The following KCNMB3 variants were observed in gnomAD, a reference collection of about 807,000 sequenced individuals.
KCNMB3 encodes the protein calcium-activated potassium channel subunit beta-3.
A neutral mutation model predicts 11.9 loss-of-function variants in KCNMB3; 18 were observed. The observed-to-expected ratio is 1.51, with a 90% CI of 1.04 to 2.23. KCNMB3 has a LOEUF of 2.23. Among genes scored for constraint, KCNMB3 ranks in the 30% most tolerant of loss-of-function variants. The pLI is 0.00. For synonymous variants in KCNMB3, 78 were observed against 119.2 expected (o/e 0.65, Z 2.25); for missense variants, 247 against 329.4 (o/e 0.75, Z 1.94).
In KCNMB3 at chr3:179,250,879, G is replaced by T. The variant is rs772605515; in HGVS notation, c.112C>A (p.Pro38Thr). Residue 38 changes from proline (P) to threonine (T), a missense_variant, in exon 1 of 3, where the codon CCA (proline) becomes ACA (threonine). Physicochemically the swap from Pro to Thr is conservative, Grantham distance 38 (BLOSUM62 -1). Transcript: ENST00000392685. ...GGCAGCCTCTTGTGCACATCTAGTG[G>T]GTCTCCATCACTGTAGTCTGTCTCT... The part of the protein sequence containing the change: ...KRETDYSDGD[P>T]LDVHKRLPSS... 5.0e-6 allele frequency: 8 copies of T among 1,614,014 alleles called. No homozygotes were observed. Among genetic ancestry groups the T allele is most frequent in the Non-Finnish European group, 6.8e-6 (8 of 1,180,034 alleles).
At chr3:179,262,582 G>C (rs1207768704) in intron 1 of KCNMB3, among the ~76,000 whole-genome samples, 2 of 152,234 alleles carry the variant, frequency 1.3e-5, no homozygotes, top group Non-Finnish European at 2.9e-5. Context: ...ACTGCTGGCT[G>C]GGGCAGCCTA....
intron 1 of KCNMB3, chr3:179,259,597 T>A: frequency 1.9e-6 from 3 of 1,608,608 alleles, no homozygotes; most frequent in Non-Finnish European, 2.5e-6. Flanking sequence ...ACTGCTGACT[T>A]TCTGTCAGTA....
At chr3:179,256,094 T>C (rs1198387888), upstream of KCNMB3, among the ~76,000 whole-genome samples, 1 of 152,204 alleles carries the variant, frequency 6.6e-6, no homozygotes, top group East Asian at 1.9e-4. Context: ...ACAGCTGATA[T>C]TTAACCAGAA....
Position 179,257,903 on chromosome 3 carries a change from T to C in KCNMB3, c.63-6969A>G, listed in dbSNP as rs368338835. ...GTGTGTGTGTGTGTGTGTGTGTTTT[T>C]TAGACAGAGTTTCGCTCGTTGTCCA... On this transcript the variant is annotated intron_variant, in intron 1 of 3. Coordinates refer to the KCNMB3 transcript ENST00000349697. Among the ~76,000 whole-genome samples the C allele has an allele frequency of 2.1e-3, 307 of 149,098 alleles. 3 individuals carry two copies. The highest frequency in any genetic ancestry group is 6.9e-3 in the African/African-American group (284 of 40,890).
At chr3:179,266,614 T>A (rs747581356) in intron 1 of KCNMB3, 1 of 1,612,530 alleles carries the variant, frequency 6.2e-7, no homozygotes, top group South Asian at 1.1e-5. Context: ...TCAGCCAGAT[T>A]CCCACTACCG....
exon 1 of KCNMB3, chr3:179,266,720 G>A (rs770997712): frequency 8.1e-6 from 13 of 1,613,794 alleles, no homozygotes; most frequent in Non-Finnish European, 1.0e-5. Flanking sequence ...TGAGGCCAGG[G>A]GTCTGAGAAA....
At chr3:179,249,875 CCT>C (rs1261773823) in intron 1 of KCNMB3, among the ~76,000 whole-genome samples, 1 of 152,026 alleles carries the variant, frequency 6.6e-6, no homozygotes, top group Non-Finnish European at 1.5e-5. Context: ...CACACTGGGG[CCT>C]CTCAGTGGAG....
chr3:179,260,324 G>A, intron 1 of KCNMB3: 1 of 1,613,988 alleles, frequency 6.2e-7, no homozygotes. Context: ...CAAGAATTTG[G>A]CTTTGAACCT....
rs757795125 is a variant in KCNMB3 at position 179,244,583 on chromosome 3, G to A, written c.359C>T (p.Pro120Leu). The A allele has an allele frequency of 2.2e-5, 35 of 1,613,982 alleles. No homozygotes were observed. The highest frequency in any genetic ancestry group is 8.0e-5 in the African/African-American group (6 of 74,890). ...GVHCHGQGKYPCLQVFVNLSH... is the reference protein window; with the variant it reads ...GVHCHGQGKYLCLQVFVNLSH... Reference sequence around the variant, plus strand: ...GAGGTTCACAAACACCTGAAGACACGGGTACTTCCCCTGACCGTGGCAGTG... The same window carrying A: ...GAGGTTCACAAACACCTGAAGACACAGGTACTTCCCCTGACCGTGGCAGTG... The change falls in exon 2 of 3, where the codon CCG (proline) becomes CTG (leucine). Residue 120 changes from proline to leucine, a missense_variant. Pro to Leu is a moderately conservative substitution (Grantham distance 98). This residue lies in a region of KCNMB3 where 160 missense variants were observed against 157.5 expected (regional missense o/e 1.02). Coordinates refer to ENST00000392685, the MANE Select transcript of KCNMB3 (RefSeq NM_171830.2).
chr3:179,266,664 C>T (rs1726377560), exon 1 of KCNMB3: 7 of 1,614,160 alleles, frequency 4.3e-6, no homozygotes, highest in Non-Finnish European at 5.1e-6. Context: ...CTGGCGCCTC[C>T]GGCTGCCCTG....
Position 179,249,002 on chromosome 3 carries a change from C to T in KCNMB3, c.248+1741G>A, listed in dbSNP as rs1476525673. Reference sequence around the variant, plus strand: ...ACTCCAGTGTCACAGAGCAAGACCCCGTCTCTTTTTTTTTTTTTTTTTTTT... The same window carrying T: ...ACTCCAGTGTCACAGAGCAAGACCCTGTCTCTTTTTTTTTTTTTTTTTTTT... On this transcript the variant is annotated intron_variant, in intron 1 of 2. Coordinates refer to ENST00000392685, the MANE Select transcript of KCNMB3 (RefSeq NM_171830.2). 2.8e-5 allele frequency among the ~76,000 whole-genome samples: 4 copies of T among 144,714 alleles called. No individual in the cohort carries two copies. The Admixed American group carries it at 2.8e-4, about 10-fold the overall frequency. The allele number at this position is 144,714 out of a possible 152,430, so 94.9% of individuals were successfully genotyped here.
rs373183148 is a variant in KCNMB3, at chr3:179,242,853, T to C, written c.*51A>G. 18 of 1,523,484 alleles carry C rather than the reference T, an allele frequency of 1.2e-5. No individual in the cohort carries two copies. Among genetic ancestry groups the C allele is most frequent in the Middle Eastern group, 1.8e-4 (1 of 5,648 alleles). 94.4% of individuals were successfully genotyped at this position (1,523,484 alleles called of 1,614,324 possible). Reference sequence around the variant, plus strand: ...CAGACAGGCATAATTAGGTCCTCAGTTGCAGAAATCACAGACATCTGAAGG... The same window carrying C: ...CAGACAGGCATAATTAGGTCCTCAGCTGCAGAAATCACAGACATCTGAAGG... On this transcript the variant is annotated 3_prime_UTR_variant, in exon 3 of 3. Transcript: ENST00000392685.
intron 1 of KCNMB3, among the ~76,000 whole-genome samples, chr3:179,249,545 C>T (rs904660574): frequency 1.3e-5 from 2 of 151,702 alleles, no homozygotes; most frequent in Non-Finnish European, 1.5e-5. Context: ...TGGTGGCAGG[C>T]GCCTGTAATC....
chr3:179,258,235 T>C (rs1346401237), intron 1 of KCNMB3, among the ~76,000 whole-genome samples: 2 of 152,192 alleles, frequency 1.3e-5, no homozygotes, highest in Non-Finnish European at 2.9e-5. Context: ...CAGTAGGAAA[T>C]GTAATTTGAC....
exon 1 of KCNMB3, chr3:179,266,672 C>G (rs1432900791): frequency 2.5e-6 from 4 of 1,614,196 alleles, no homozygotes; most frequent in Non-Finnish European, 3.4e-6. Context: ...TCCGGCTGCC[C>G]TGAAGTGTGA....
At chr3:179,259,797 T>A (rs1202340334) in intron 1 of KCNMB3, 1 of 1,603,120 alleles carries the variant, frequency 6.2e-7, no homozygotes, top group Admixed American at 1.7e-5. Flanking sequence ...TTCATCTGGC[T>A]CTTTCATATC....
chr3:179,247,954 G>A (rs1048092655), intron 1 of KCNMB3, among the ~76,000 whole-genome samples: 1 of 151,790 alleles, frequency 6.6e-6, no homozygotes, highest in African/African-American at 2.4e-5. Flanking sequence ...AAAAAAAAGG[G>A]CTGTCCAAAA....
chr3:179,249,166 C>T (rs1177385339), intron 1 of KCNMB3, among the ~76,000 whole-genome samples: 1 of 151,172 alleles, frequency 6.6e-6, no homozygotes, highest in Non-Finnish European at 1.5e-5. Flanking sequence ...GTGCCCGCCA[C>T]CGTGCCCAGC....
intron 1 of KCNMB3, among the ~76,000 whole-genome samples, chr3:179,262,547 T>C (rs1379358730): frequency 2.0e-5 from 3 of 152,178 alleles, no homozygotes; most frequent in Non-Finnish European, 4.4e-5. Context: ...CTCCACAGCG[T>C]GGAAAGGGAC....
Sources: gnomAD v4.1 joint callset for allele counts (sites outside exome capture counted in the v4.1 genomes callset) on GRCh38, gnomAD v4.1.1 for gene constraint, gnomAD v4.1.1 regional missense constraint, MANE v1.5 for transcripts, NCBI Gene and HGNC (gene_info 2026-07-23, HGNC 2026-07-21) for gene names.